The following OTUD7B variants were observed in gnomAD, a reference collection of about 807,000 sequenced individuals.
OTUD7B encodes OTU deubiquitinase 7B.
In OTUD7B, 34 loss-of-function variants were observed where a neutral mutation model predicts 82.2. That is an observed-to-expected ratio of 0.41 (90% CI 0.31 to 0.55). The LOEUF is 0.55. Ranked by LOEUF, OTUD7B falls within the 20% of genes least tolerant of loss-of-function variation. The pLI is 0.20. For missense variants in OTUD7B, 944 were observed against 1,062.1 expected, an observed-to-expected ratio of 0.89 and a Z score of 1.55; for synonymous variants, 398 against 402.7, an observed-to-expected ratio of 0.99 and a Z score of 0.14.
chr1:149,997,877 C>T (rs1553783719), intron 1 of OTUD7B, among the ~76,000 whole-genome samples: 2 of 152,116 alleles, frequency 1.3e-5, no homozygotes, highest in Non-Finnish European at 2.9e-5. Flanking sequence ...AGAAAGAGCA[C>T]TAAACAACAA....
chr1:150,067,033 G>GGGGGCGGGGCA, the OTUD7B span: 1 of 152,358 alleles, frequency 6.6e-6, no homozygotes. Context: ...GCGCCGAGGC[G>GGGGGCGGGGCA]GGGGCGGGGC....
chr1:150,061,148 CG>C, the OTUD7B span, among the ~76,000 whole-genome samples: 1 of 152,160 alleles, frequency 6.6e-6, no homozygotes, highest in South Asian at 2.1e-4. Flanking sequence ...TGCCTTGGCC[CG>C]CAAATGCTGG....
At chr1:150,053,380 C>G in the OTUD7B span, among the ~76,000 whole-genome samples, 1 of 151,674 alleles carries the variant, frequency 6.6e-6, no homozygotes, top group Non-Finnish European at 1.5e-5. Context: ...GACATGAACA[C>G]TTTTCTTTCC....
chr1:149,974,447 G>A (rs1323642966), intron 2 of OTUD7B, among the ~76,000 whole-genome samples: 1 of 150,754 alleles, frequency 6.6e-6, no homozygotes, highest in Non-Finnish European at 1.5e-5. Context: ...TCCTTCACCA[G>A]TTTCCTAGTG....
At chr1:149,989,617 T>C (rs1364942513) in intron 1 of OTUD7B, among the ~76,000 whole-genome samples, 1 of 151,504 alleles carries the variant, frequency 6.6e-6, no homozygotes, top group African/African-American at 2.4e-5. Flanking sequence ...GCACACACTG[T>C]AGACCCAGCT....
At position 149,944,030 on chromosome 1, in the gene OTUD7B, CATCT is replaced by C; in HGVS notation, c.2355_2358del (p.Trp788LeufsTer39). ...AGGCCCCGGAGACCTCCAGCCCATC[CATCT>C]GGCTCAGGGGGCTCTCTGTAGCCAT... On this transcript the variant is annotated frameshift_variant, in exon 12 of 12. Transcript: ENST00000581312. LOFTEE classifies it high-confidence loss of function. 6.2e-7 allele frequency: 1 copy of C among 1,614,214 alleles called. No individual in the cohort carries two copies.
At chr1:150,042,905 G>A in the OTUD7B span, among the ~76,000 whole-genome samples, 1 of 152,082 alleles carries the variant, frequency 6.6e-6, no homozygotes, top group Non-Finnish European at 1.5e-5. Flanking sequence ...GTCCAATGGT[G>A]CAAAGGAATT....
At chr1:149,960,104 G>T (rs1281340039) in intron 6 of OTUD7B, among the ~76,000 whole-genome samples, 1 of 152,062 alleles carries the variant, frequency 6.6e-6, no homozygotes, top group Non-Finnish European at 1.5e-5. Flanking sequence ...AAAGAACAAT[G>T]ACCTTCTAAT....
chr1:150,022,776 C>A, the OTUD7B span, among the ~76,000 whole-genome samples: 2 of 152,210 alleles, frequency 1.3e-5, no homozygotes, highest in Non-Finnish European at 2.9e-5. Context: ...TAGTATCCCA[C>A]CAGATTTATC....
In OTUD7B at chr1:149,971,127, A is replaced by C. The variant is rs781901173; in HGVS notation, c.210T>G (p.Phe70Leu). 48 of 1,613,546 alleles carry C rather than the reference A, an allele frequency of 3.0e-5. No individual in the cohort carries two copies. Among genetic ancestry groups the C allele is most frequent in the Non-Finnish European group, 4.1e-5 (48 of 1,179,588 alleles). ...SGGSRTPEKG[F>L]SDREPTRPPR... The stretch of plus-strand genomic sequence containing the variant: ...GAGGGCGAGTAGGCTCTCTGTCAGA[A>C]AACCCTTTTTCAGGGGTCCTGGAGC... Residue 70 changes from phenylalanine to leucine, a missense_variant, in exon 3 of 12, where the codon TTT becomes TTG. Phe to Leu is a conservative substitution (Grantham distance 22). Around this residue, in one of 3 missense-constraint regions of OTUD7B, gnomAD observed 530 missense variants for 625.6 expected, o/e 0.85. Transcript: ENST00000581312.
rs782764400 is a variant in OTUD7B, at chr1:149,944,664, C to A, written c.1725G>T (p.Lys575Asn). The change falls in exon 12 of 12, where the codon AAG (lysine) becomes AAT (asparagine). Residue 575 changes from lysine to asparagine, a missense_variant. Physicochemically the swap from Lys to Asn is moderately conservative, Grantham distance 94. Coordinates refer to ENST00000581312, the MANE Select transcript of OTUD7B (RefSeq NM_020205.4). ...EAAGDGPVSE[K>N]PPAESVGNGG... ...CGTTACCAACAGACTCAGCTGGGGGCTTCTCAGACACAGGCCCATCCCCAG... is the reference window on the plus strand; with the variant it reads ...CGTTACCAACAGACTCAGCTGGGGGATTCTCAGACACAGGCCCATCCCCAG... 3.7e-6 allele frequency: 6 copies of A among 1,613,782 alleles called. No individual in the cohort carries two copies. Among genetic ancestry groups the A allele is most frequent in the Non-Finnish European group, 4.2e-6 (5 of 1,180,008 alleles).
chr1:149,960,016 T>C (rs1171166440), intron 6 of OTUD7B, among the ~76,000 whole-genome samples: 5 of 152,174 alleles, frequency 3.3e-5, no homozygotes, highest in Admixed American at 3.3e-4. Flanking sequence ...CTTTTTGACC[T>C]ACTGCAATCT....
At chr1:150,008,785 T>C (rs1559871252) in intron 1 of OTUD7B, among the ~76,000 whole-genome samples, 1 of 151,994 alleles carries the variant, frequency 6.6e-6, no homozygotes, top group Non-Finnish European at 1.5e-5. Flanking sequence ...ATCGAAAAAA[T>C]CTATTTTGGT....
At chr1:150,050,230 A>G in the OTUD7B span, among the ~76,000 whole-genome samples, 1 of 152,116 alleles carries the variant, frequency 6.6e-6, no homozygotes, top group Non-Finnish European at 1.5e-5. Flanking sequence ...AAATATTACA[A>G]TTTTTGCCAA....
the OTUD7B span, chr1:150,054,673 T>C: frequency 3.0e-6 from 1 of 328,298 alleles, no homozygotes. Flanking sequence ...CCGGGTGTGG[T>C]GGCATGGGCC....
chr1:149,965,693 T>A (rs1291349876), intron 5 of OTUD7B, 84 bp downstream of exon 5: 1 of 942,590 alleles, frequency 1.1e-6, no homozygotes, highest in African/African-American at 1.6e-5. Context: ...AAGATCAAGG[T>A]TATCTGGATC....
intron 8 of OTUD7B, 29 bp downstream of exon 8, chr1:149,950,065 A>G: frequency 1.2e-6 from 2 of 1,612,670 alleles, no homozygotes; most frequent in South Asian, 1.1e-5. Context: ...GGTGCTCAGC[A>G]TGGAGTGAGG....
intron 1 of OTUD7B, among the ~76,000 whole-genome samples, chr1:150,009,802 T>C (rs879968092): frequency 2.0e-5 from 3 of 152,250 alleles, no homozygotes. Context: ...CTAGTAATTA[T>C]GAGAAGAGTG....
At chr1:150,013,699 G>T (rs1553787871), upstream of OTUD7B, among the ~76,000 whole-genome samples, 2 of 150,846 alleles carry the variant, frequency 1.3e-5, no homozygotes, top group East Asian at 4.0e-4. Flanking sequence ...GAGGCAGGCG[G>T]ATCATGAGGT....
Sources: allele counts gnomAD v4.1 joint callset (sites outside exome capture counted in the v4.1 genomes callset), GRCh38; gene constraint gnomAD v4.1.1; regional missense constraint gnomAD v4.1.1; transcripts MANE v1.5; gene names NCBI Gene and HGNC (gene_info 2026-07-23, HGNC 2026-07-21).